CEP85L: variants seen among roughly 807,000 people sequenced by gnomAD.
CEP85L encodes centrosomal protein 85L.
A neutral mutation model predicts 100.3 loss-of-function variants in CEP85L; 60 were observed. That is an observed-to-expected ratio of 0.60 (90% CI 0.49 to 0.74). CEP85L has a LOEUF of 0.74. Among genes scored for constraint, CEP85L ranks in the 30% least tolerant of loss-of-function variants. The pLI, the probability that CEP85L is intolerant of heterozygous loss-of-function variation, is 0.00. For synonymous variants in CEP85L, 319 were observed against 322.7 expected, an observed-to-expected ratio of 0.99 and a Z score of 0.12; for missense variants, 973 against 936.2, an observed-to-expected ratio of 1.04 and a Z score of -0.51.
At chr6:118,467,673 A>C (rs1281423974) in intron 12 of CEP85L, among the ~76,000 whole-genome samples, 1 of 152,200 alleles carries the variant, frequency 6.6e-6, no homozygotes, top group Non-Finnish European at 1.5e-5. Flanking sequence ...GACAGTGAAA[A>C]TGTAGGAGAC....
chr6:118,632,634 G>GT (rs1401614003), intron 1 of CEP85L, 23 bp from the exon 2 acceptor site: 1 of 1,593,458 alleles, frequency 6.3e-7, no homozygotes, highest in East Asian at 2.2e-5. Flanking sequence ...ATATGTAACA[G>GT]TTAACACATA....
At chr6:118,627,042 T>C (rs747657071) in intron 2 of CEP85L, among the ~76,000 whole-genome samples, 4 of 150,854 alleles carry the variant, frequency 2.7e-5, no homozygotes, top group Non-Finnish European at 4.4e-5. Flanking sequence ...CTACTAAAAA[T>C]AGAAAAATTA....
intron 1 of CEP85L, among the ~76,000 whole-genome samples, chr6:118,658,462 A>T (rs903184049): frequency 9.9e-5 from 15 of 152,170 alleles, no homozygotes; most frequent in African/African-American, 3.6e-4. Flanking sequence ...TTTTAACACA[A>T]TAGAGTTACT....
chr6:118,574,761 G>A (rs1434576093), intron 2 of CEP85L, among the ~76,000 whole-genome samples: 1 of 152,216 alleles, frequency 6.6e-6, no homozygotes, highest in East Asian at 1.9e-4. Flanking sequence ...CTTCCTTGGT[G>A]GTGGGGACAT....
At chr6:118,548,365 C>T (rs1778335108) in intron 3 of CEP85L, 1 of 152,100 alleles carries the variant, frequency 6.6e-6, no homozygotes, top group Admixed American at 6.6e-5. Context: ...ACACAATACT[C>T]TATACTGTGA....
chr6:118,556,911 T>C (rs1281569834), intron 3 of CEP85L, among the ~76,000 whole-genome samples: 1 of 152,210 alleles, frequency 6.6e-6, no homozygotes, highest in East Asian at 1.9e-4. Context: ...TGTAATGACA[T>C]GTAAATTCTT....
intron 4 of CEP85L, among the ~76,000 whole-genome samples, chr6:118,514,520 G>A (rs1776150433): frequency 1.1e-5 from 1 of 88,726 alleles, no homozygotes; most frequent in Admixed American, 1.2e-4. Flanking sequence ...GCAAGACACT[G>A]TCTCAAAAAA....
chr6:118,562,254 A>G (rs959678346), intron 3 of CEP85L, among the ~76,000 whole-genome samples: 1 of 152,252 alleles, frequency 6.6e-6, no homozygotes, highest in Non-Finnish European at 1.5e-5. Flanking sequence ...TTCTGTTCAC[A>G]GGACGTAACA....
intron 1 of CEP85L, among the ~76,000 whole-genome samples, chr6:118,674,540 G>T (rs1348581813): frequency 6.6e-6 from 1 of 150,790 alleles, no homozygotes; most frequent in Non-Finnish European, 1.5e-5. Context: ...AAAAAAAAGA[G>T]AGAAAACCAA....
At chr6:118,705,451 T>C (rs1016819236) in intron 1 of CEP85L, among the ~76,000 whole-genome samples, 1 of 152,244 alleles carries the variant, frequency 6.6e-6, no homozygotes, top group East Asian at 1.9e-4. Flanking sequence ...AGGCATGGCA[T>C]GGGCTCATTG....
chr6:118,516,753 A>T (rs1776305660), intron 4 of CEP85L, among the ~76,000 whole-genome samples: 1 of 152,196 alleles, frequency 6.6e-6, no homozygotes, highest in Non-Finnish European at 1.5e-5. Flanking sequence ...TAGTTTAATT[A>T]GATCCCACTT....
intron 2 of CEP85L, among the ~76,000 whole-genome samples, chr6:118,572,564 C>CT (rs1163550003): frequency 6.6e-6 from 1 of 151,600 alleles, no homozygotes. Context: ...GAGCGAGACT[C>CT]TGTCTCAAAT....
intron 2 of CEP85L, 23 bp from the exon 3 acceptor site, chr6:118,566,339 A>G (rs760970358): frequency 6.4e-7 from 1 of 1,556,922 alleles, no homozygotes; most frequent in Non-Finnish European, 8.7e-7. Flanking sequence ...AAGATGGTCA[A>G]ATTAGTTACA....
intron 4 of CEP85L, among the ~76,000 whole-genome samples, chr6:118,520,538 G>T (rs921123823): frequency 1.3e-5 from 2 of 151,834 alleles, no homozygotes; most frequent in Admixed American, 6.6e-5. Context: ...TCATTTCTTT[G>T]TGCTGTTAAC....
At chr6:118,692,338 T>C (rs909920028) in intron 1 of CEP85L, among the ~76,000 whole-genome samples, 2 of 152,184 alleles carry the variant, frequency 1.3e-5, no homozygotes, top group African/African-American at 2.4e-5. Context: ...TCTGCCTCAG[T>C]TGAACTAAAT....
In CEP85L at chr6:118,661,034, C is replaced by T. The variant is rs548720465; in HGVS notation, c.-27-8226G>A. The stretch of plus-strand genomic sequence containing the variant: ...CCCAGTAGCTGGGATTACAGGCACC[C>T]GCCACCACGCCCAGGTAATTTTTTG... On this transcript the variant is annotated intron_variant, in intron 1 of 13. Coordinates refer to the CEP85L transcript ENST00000368488. Among the ~76,000 whole-genome samples, 4 of 152,066 alleles carry T rather than the reference C, an allele frequency of 2.6e-5. No homozygotes were observed. In the South Asian group the frequency reaches 6.2e-4, roughly 24 times the overall value.
intron 2 of CEP85L, among the ~76,000 whole-genome samples, chr6:118,592,900 G>T (rs1165832957): frequency 1.3e-5 from 2 of 152,020 alleles, no homozygotes; most frequent in African/African-American, 4.8e-5. Context: ...GTATAAATTT[G>T]GTGTGTACAA....
chr6:118,479,599 A>T (rs930673773), intron 10 of CEP85L, among the ~76,000 whole-genome samples: 3 of 152,104 alleles, frequency 2.0e-5, no homozygotes, highest in African/African-American at 4.8e-5. Context: ...CCTGGTATTC[A>T]TTATATTGGT....
chr6:118,566,742 G>A (rs1001449091), intron 2 of CEP85L, among the ~76,000 whole-genome samples: 2 of 152,154 alleles, frequency 1.3e-5, no homozygotes, highest in Non-Finnish European at 2.9e-5. Flanking sequence ...TCAAAAAGAC[G>A]TCCTCAAAAT....
Sources: gnomAD v4.1 joint callset for allele counts (sites outside exome capture counted in the v4.1 genomes callset) on GRCh38, gnomAD v4.1.1 for gene constraint, MANE v1.5 for transcripts, NCBI Gene and HGNC (gene_info 2026-07-23, HGNC 2026-07-21) for gene names.